The following CENPP variants were observed in gnomAD, a reference collection of about 807,000 sequenced individuals.
CENPP encodes the protein centromere protein P.
CENPP carries 24 observed loss-of-function variants against 35.6 expected under a neutral mutation model. That is an observed-to-expected ratio of 0.67 (90% CI 0.49 to 0.95). The LOEUF is 0.95. Among genes scored for constraint, CENPP ranks in the 40% least tolerant of loss-of-function variants. The pLI, the probability that CENPP is intolerant of heterozygous loss-of-function variation, is 0.00. For missense variants in CENPP, 332 were observed against 345.3 expected, an observed-to-expected ratio of 0.96 and a Z score of 0.31; for synonymous variants, 120 against 125.5, an observed-to-expected ratio of 0.96 and a Z score of 0.29.
chr9:92,556,200 A>G (rs1849720739), intron 5 of CENPP, among the ~76,000 whole-genome samples: 1 of 152,128 alleles, frequency 6.6e-6, no homozygotes, highest in Admixed American at 6.6e-5. Context: ...ATGGTTTTGA[A>G]GTTTCCTTTT....
At chr9:92,401,970 C>T (rs1843133271) in intron 5 of CENPP, among the ~76,000 whole-genome samples, 1 of 152,122 alleles carries the variant, frequency 6.6e-6, no homozygotes, top group South Asian at 2.1e-4. Context: ...GTTGAACTTC[C>T]TCCCTCTACT....
chr9:92,354,151 C>T (rs184125676), intron 4 of CENPP, among the ~76,000 whole-genome samples: 3 of 152,288 alleles, frequency 2.0e-5, no homozygotes, highest in East Asian at 3.9e-4. Context: ...TGTGAGTCCA[C>T]GATGGTAGTC....
At chr9:92,386,680 G>C (rs1842434971) in intron 5 of CENPP, among the ~76,000 whole-genome samples, 1 of 152,128 alleles carries the variant, frequency 6.6e-6, no homozygotes, top group South Asian at 2.1e-4. Context: ...AACCTCTCCT[G>C]TACCTCTGGA....
intron 5 of CENPP, among the ~76,000 whole-genome samples, chr9:92,606,944 CA>C (rs1851098459): frequency 6.6e-6 from 1 of 152,050 alleles, no homozygotes; most frequent in Non-Finnish European, 1.5e-5. Context: ...GCCTGGGCGA[CA>C]GAGCAAGACT....
chr9:92,478,609 T>G (rs1845797128), intron 5 of CENPP, among the ~76,000 whole-genome samples: 1 of 152,064 alleles, frequency 6.6e-6, no homozygotes, highest in East Asian at 1.9e-4. Context: ...TGTGCCATCA[T>G]GCCTGGCTAA....
At chr9:92,452,379 G>C (rs1422247118) in intron 5 of CENPP, among the ~76,000 whole-genome samples, 53 of 150,054 alleles carry the variant, frequency 3.5e-4, no homozygotes, top group Non-Finnish European at 5.6e-4. Flanking sequence ...GTCTTTGGTT[G>C]TGTTTATATG....
intron 5 of CENPP, chr9:92,522,732 G>T: frequency 6.2e-7 from 1 of 1,614,156 alleles, no homozygotes; most frequent in Non-Finnish European, 8.5e-7. Context: ...ATCTGTGCTT[G>T]TGTGAGGTTG....
intron 5 of CENPP, among the ~76,000 whole-genome samples, chr9:92,601,146 T>C (rs1008939527): frequency 2.6e-5 from 4 of 152,232 alleles, no homozygotes; most frequent in Non-Finnish European, 4.4e-5. Context: ...GCATAGCCAC[T>C]GCATTCCTTT....
intron 5 of CENPP, among the ~76,000 whole-genome samples, chr9:92,421,698 A>G (rs1223948080): frequency 6.6e-6 from 1 of 152,216 alleles, no homozygotes; most frequent in Non-Finnish European, 1.5e-5. Context: ...AATTATTTCT[A>G]GTGATGAGGC....
chr9:92,614,526 G>A lies in CENPP; in HGVS notation c.*1377G>A, dbSNP rs1481519707. 1.3e-5 allele frequency: 2 copies of A among 152,624 alleles called. No homozygotes were observed. Among genetic ancestry groups the A allele is most frequent in the Non-Finnish European group, 2.9e-5 (2 of 68,038 alleles). The allele number at this position is 152,624 out of a possible 1,614,324, so 9.5% of individuals were successfully genotyped here. A position where few individuals can be genotyped will look rare whatever the true frequency, so the allele number is the denominator to read the frequency against. ...TGAGAGTAGAATTAGAAGTAAATAT[G>A]ACAGAATTGAACAATAAATTCTAGA... On this transcript the variant is annotated 3_prime_UTR_variant, in exon 8 of 8. Transcript: ENST00000375587.
At chr9:92,368,094 G>A (rs1841931516) in intron 4 of CENPP, among the ~76,000 whole-genome samples, 1 of 152,100 alleles carries the variant, frequency 6.6e-6, no homozygotes, top group African/African-American at 2.4e-5. Context: ...TCTTATGTGT[G>A]AATAAGTTAA....
At chr9:92,532,771 G>A (rs1016627153) in intron 5 of CENPP, among the ~76,000 whole-genome samples, 1 of 151,820 alleles carries the variant, frequency 6.6e-6, no homozygotes, top group African/African-American at 2.4e-5. Flanking sequence ...TTTAAAGTCT[G>A]TGTCTGAAGA....
chr9:92,535,726 ATAATT>A (rs1849129902), intron 5 of CENPP, among the ~76,000 whole-genome samples: 1 of 152,182 alleles, frequency 6.6e-6, no homozygotes. Flanking sequence ...ACATATAAAA[ATAATT>A]TAATACTAAG....
intron 5 of CENPP, among the ~76,000 whole-genome samples, chr9:92,399,547 A>AT (rs1351383968): frequency 6.6e-6 from 1 of 152,084 alleles, no homozygotes; most frequent in African/African-American, 2.4e-5. Flanking sequence ...TACCACAGGT[A>AT]TTTTTAGGGT....
chr9:92,354,500 A>G (rs1471633089), intron 4 of CENPP, among the ~76,000 whole-genome samples: 2 of 152,150 alleles, frequency 1.3e-5, no homozygotes. Flanking sequence ...GTGATGGATT[A>G]TCCTATCCCT....
intron 5 of CENPP, chr9:92,517,276 C>T (rs1308446716): frequency 3.0e-5 from 7 of 229,956 alleles, no homozygotes; most frequent in Non-Finnish European, 4.2e-5. Flanking sequence ...AGATGCAAAT[C>T]ACTCTTCCTT....
At chr9:92,501,135 A>C (rs1265335150) in intron 5 of CENPP, 1 of 1,381,358 alleles carries the variant, frequency 7.2e-7, no homozygotes, top group East Asian at 2.4e-5. Context: ...GCCAGTCTCG[A>C]TGCTGGTCCA....
At chr9:92,327,795 G>C (rs1405432427) in intron 1 of CENPP, among the ~76,000 whole-genome samples, 1 of 152,200 alleles carries the variant, frequency 6.6e-6, no homozygotes, top group East Asian at 1.9e-4. Flanking sequence ...CTGGAGGCCA[G>C]TGCTAGTGAA....
rs139793402 is a variant in CENPP at position 92,476,950 on chromosome 9, A to G, written c.564+97091A>G. Among the ~76,000 whole-genome samples the G allele has an allele frequency of 3.0e-3, 457 of 152,340 alleles. No homozygotes were observed. Among genetic ancestry groups the G allele is most frequent in the Non-Finnish European group, 5.0e-3 (341 of 68,040 alleles). ...TGTCATTTTTTCTTATCTAACCAGT[A>G]TACAAATTACTGTTCTGTACACATC... is the stretch of plus-strand genomic sequence containing the variant. On this transcript the variant is annotated intron_variant, in intron 5 of 7. Coordinates refer to ENST00000375587, the MANE Select transcript of CENPP (RefSeq NM_001012267.3). The surrounding 1 kb of genome is among the most constrained non-coding windows in gnomAD (Gnocchi z 4.1).
Sources: gnomAD v4.1 joint callset for allele counts (sites outside exome capture counted in the v4.1 genomes callset) on GRCh38, gnomAD v4.1.1 for gene constraint, Gnocchi (gnomAD v3.1) non-coding constraint, MANE v1.5 for transcripts, NCBI Gene and HGNC (gene_info 2026-07-23, HGNC 2026-07-21) for gene names.